Variants in FGF13 observed in about 807,000 individuals in gnomAD.
FGF13 encodes the protein fibroblast growth factor 13.
In FGF13, 2 loss-of-function variants were observed where a neutral mutation model predicts 19.5. That is an observed-to-expected ratio of 0.10 (90% confidence interval 0.04 to 0.32). The LOEUF (loss-of-function observed/expected upper bound fraction) is 0.32. Among genes scored for constraint, FGF13 ranks in the 10% least tolerant of loss-of-function variants. The pLI, the probability that FGF13 is intolerant of heterozygous loss-of-function variation, is 1.00. For missense variants in FGF13, 113 were observed against 192.7 expected (o/e 0.59, Z 2.45); for synonymous variants, 72 against 76.9 (o/e 0.94, Z 0.33).
intron 3 of FGF13, among the ~76,000 whole-genome samples, chrX:138,773,269 G>A (rs1007781491): frequency 9.0e-6 from 1 of 111,454 alleles, no homozygotes; most frequent in Non-Finnish European, 1.9e-5. Flanking sequence ...AATCCATCCT[G>A]ATGCACAGTG....
intron 3 of FGF13, among the ~76,000 whole-genome samples, chrX:138,777,281 G>T (rs757727114): frequency 9.0e-6 from 1 of 111,617 alleles, no homozygotes; most frequent in African/African-American, 3.3e-5. Flanking sequence ...CCCTTACTGT[G>T]AAACACCAGG....
intron 3 of FGF13, among the ~76,000 whole-genome samples, chrX:138,791,616 G>C (rs2090743303): frequency 8.9e-6 from 1 of 111,923 alleles, no homozygotes; most frequent in Non-Finnish European, 1.9e-5. Flanking sequence ...TGTTGTCCTG[G>C]AAGGCTCTCT....
At chrX:138,948,281 T>G (rs1271342162) in intron 1 of FGF13, among the ~76,000 whole-genome samples, 1 of 111,334 alleles carries the variant, frequency 9.0e-6, no homozygotes, top group East Asian at 2.8e-4. Context: ...AAGAAGATGA[T>G]GAACATAAGG....
intron 1 of FGF13, among the ~76,000 whole-genome samples, chrX:138,934,157 C>T (rs750308039): frequency 8.9e-6 from 1 of 111,998 alleles, no homozygotes; most frequent in East Asian, 2.8e-4. Flanking sequence ...GCAAAGTTCT[C>T]TGAGCAAGAC....
At chrX:139,158,901 T>C (rs1254632595) in intron 1 of FGF13, among the ~76,000 whole-genome samples, 2 of 111,875 alleles carry the variant, frequency 1.8e-5, no homozygotes, top group African/African-American at 6.5e-5. Context: ...GGAAAAATAC[T>C]CTTCAGGATA....
chrX:138,768,665 G>GTA (rs772344182), intron 3 of FGF13, among the ~76,000 whole-genome samples: 72 of 100,523 alleles, frequency 7.2e-4, no homozygotes, highest in African/African-American at 2.1e-3. Context: ...GTCAAAAGTA[G>GTA]TATATATATA....
intron 3 of FGF13, among the ~76,000 whole-genome samples, chrX:138,648,820 C>G (rs1010015160): frequency 9.0e-6 from 1 of 111,446 alleles, no homozygotes; most frequent in African/African-American, 3.3e-5. Context: ...AATCAAACGT[C>G]AGCATGTCAG....
downstream of FGF13, among the ~76,000 whole-genome samples, chrX:138,857,031 G>A (rs990167986): frequency 8.9e-6 from 1 of 111,940 alleles, no homozygotes; most frequent in South Asian, 3.7e-4. Context: ...GGTAATCTGG[G>A]CCTGCTTCAG....
chrX:138,888,678 T>C (rs750174899), intron 1 of FGF13, among the ~76,000 whole-genome samples: 3 of 106,671 alleles, frequency 2.8e-5, no homozygotes, highest in African/African-American at 1.1e-4. Context: ...TCCTTCTACC[T>C]GCTCATAGGA....
At position 138,921,388 on chromosome X, in the gene FGF13, T is replaced by A. The variant is rs182347865; in HGVS notation, c.-112-56738A>T. Among the ~76,000 whole-genome samples the A allele has an allele frequency of 1.8e-3, 200 of 112,024 alleles. 1 individual carries two copies. The South Asian group carries it at 0.028, about 16-fold the overall frequency. On this transcript the variant is annotated intron_variant, in intron 1 of 2. Transcript: ENST00000421460. ...CAGGTGGTAAATACTACGGATATTTTTCAGGTTATTTGCATATTTATTATT... is the reference window on the plus strand; with the variant it reads ...CAGGTGGTAAATACTACGGATATTTATCAGGTTATTTGCATATTTATTATT...
chrX:138,991,189 T>A (rs1318065698), intron 1 of FGF13, among the ~76,000 whole-genome samples: 2 of 112,298 alleles, frequency 1.8e-5, no homozygotes, highest in Non-Finnish European at 3.8e-5. Flanking sequence ...GGATGCCTGC[T>A]ACTTGAGAAC....
intron 1 of FGF13, among the ~76,000 whole-genome samples, chrX:138,916,270 C>T (rs979290664): frequency 8.9e-6 from 1 of 111,871 alleles, no homozygotes; most frequent in Non-Finnish European, 1.9e-5. Context: ...GCCCAAAACA[C>T]TTTTCACAAT....
At chrX:138,749,322 TAC>T (rs34038080) in intron 3 of FGF13, among the ~76,000 whole-genome samples, 9,992 of 81,451 alleles carry the variant, frequency 0.12, 570 homozygotes, top group African/African-American at 0.19. Context: ...GAGACCAAAA[TAC>T]ACACACACAC....
chrX:139,135,006 A>G (rs1489761105), intron 1 of FGF13, among the ~76,000 whole-genome samples: 1 of 111,535 alleles, frequency 9.0e-6, no homozygotes, highest in African/African-American at 3.3e-5. Context: ...CTTGATTGGA[A>G]CTATTTCACA....
chrX:138,877,252 G>GA (rs1163441718), intron 1 of FGF13, among the ~76,000 whole-genome samples: 6 of 105,588 alleles, frequency 5.7e-5, no homozygotes, highest in Admixed American at 2.0e-4. Context: ...AAGAAATGAA[G>GA]AAAAAAAAAG....
At chrX:139,136,601 G>A in intron 1 of FGF13, among the ~76,000 whole-genome samples, 1 of 111,713 alleles carries the variant, frequency 9.0e-6, no homozygotes, top group African/African-American at 3.3e-5. Context: ...TAGGGAAAAA[G>A]CACATGAGGT....
chrX:139,012,664 G>A (rs912028663), intron 1 of FGF13, among the ~76,000 whole-genome samples: 3 of 111,532 alleles, frequency 2.7e-5, no homozygotes, highest in Non-Finnish European at 3.8e-5. Context: ...AATGAAACTG[G>A]ATCCTCATCT....
rs755001905 is a variant in FGF13, at chrX:138,710,977, G to A, written c.27C>T (p.Leu9=). The change falls in exon 1 of 5, where the codon CTC becomes CTT. Residue 9 remains leucine (L), a synonymous_variant. Transcript: ENST00000315930. Reference sequence around the variant, plus strand: ...CGCGGGCTTGCCTCTTCTGACGGATGAGCGAGCTGGCGATAGCCGCCGCCA... The same window carrying A: ...CGCGGGCTTGCCTCTTCTGACGGATAAGCGAGCTGGCGATAGCCGCCGCCA... MAAAIASS[L]IRQKRQARER... is the part of the protein sequence containing the mutation. 20 of 1,209,876 alleles carry A rather than the reference G, an allele frequency of 1.7e-5. No homozygotes were observed. The highest frequency in any genetic ancestry group is 1.1e-4 in the South Asian group (6 of 56,816).
chrX:139,204,171 T>G, upstream of FGF13: 1 of 1,055,025 alleles, frequency 9.5e-7, no homozygotes, highest in Non-Finnish European at 1.3e-6. Flanking sequence ...CGGGTCGGAC[T>G]TGGGAGAGTG....
Sources: allele counts gnomAD v4.1 joint callset (sites outside exome capture counted in the v4.1 genomes callset), GRCh38; gene constraint gnomAD v4.1.1; transcripts MANE v1.5; gene names NCBI Gene and HGNC (gene_info 2026-07-23, HGNC 2026-07-21).